The following CACNA2D4 variants were observed in gnomAD, a reference collection of about 807,000 sequenced individuals.
CACNA2D4 encodes the protein voltage-dependent calcium channel subunit alpha-2/delta-4.
CACNA2D4 carries 157 observed loss-of-function variants against 163.8 expected under a neutral mutation model. That is an observed-to-expected ratio of 0.96 (90% CI 0.84 to 1.09). The LOEUF is 1.09. Among genes scored for constraint, CACNA2D4 ranks in the 50% least tolerant of loss-of-function variants. The pLI is 0.00. For synonymous variants in CACNA2D4, 598 were observed against 586.9 expected, an observed-to-expected ratio of 1.02 and a Z score of -0.27; for missense variants, 1,410 against 1,479.9, an observed-to-expected ratio of 0.95 and a Z score of 0.78.
In CACNA2D4 at chr12:1,795,285, G is replaced by T. The variant is rs1267899718; in HGVS notation, c.3309+14C>A. ...TGAAAATCCAGCCCACCCTCGATCC[G>T]CCTCAACCCGCACCTCTGGATGGAA... On this transcript the variant is annotated intron_variant, in intron 37 of 37. Coordinates refer to ENST00000382722, the MANE Select transcript of CACNA2D4 (RefSeq NM_172364.5). The T allele has an allele frequency of 1.2e-6, 2 of 1,611,948 alleles. No individual in the cohort carries two copies.
At chr12:1,884,080 T>G (rs1040829393) in intron 12 of CACNA2D4, 163 bp downstream of exon 12, 2 of 584,250 alleles carry the variant, frequency 3.4e-6, no homozygotes, top group Non-Finnish European at 6.1e-6. Context: ...CTCACCTTGC[T>G]TTTTCCAAAT....
chr12:1,839,590 C>G (rs1326595442), intron 26 of CACNA2D4, among the ~76,000 whole-genome samples: 2 of 152,346 alleles, frequency 1.3e-5, no homozygotes, highest in African/African-American at 2.4e-5. Flanking sequence ...TTTTCTGTGT[C>G]TCAGTCCCCT....
At chr12:1,861,447 T>C (rs1865523151) in intron 18 of CACNA2D4, among the ~76,000 whole-genome samples, 1 of 113,610 alleles carries the variant, frequency 8.8e-6, no homozygotes, top group Admixed American at 8.2e-5. Context: ...ATTTTTACTC[T>C]TTTTTTTTTT....
rs1261792434 is a variant in CACNA2D4, at chr12:1,878,103, T to TC, written c.1719+211dup. ...CGTTACGTGCTCTCTGGCCCACTCA[T>TC]CAGTCATTTCACATGTTTTTGCCTT... On this transcript the variant is annotated intron_variant, in intron 16 of 37. Coordinates refer to ENST00000382722, the MANE Select transcript of CACNA2D4 (RefSeq NM_172364.5). This position sits in a 1 kb window ranked among gnomAD's most constrained non-coding sequence, Gnocchi z 4.6. Among the ~76,000 whole-genome samples, 1 of 152,248 alleles carries TC rather than the reference T, an allele frequency of 6.6e-6. No homozygotes were observed. The highest frequency in any genetic ancestry group is 1.5e-5 in the Non-Finnish European group (1 of 68,044).
At chr12:1,877,263 A>G (rs759509536) in intron 16 of CACNA2D4, among the ~76,000 whole-genome samples, 2 of 152,228 alleles carry the variant, frequency 1.3e-5, no homozygotes, top group Non-Finnish European at 2.9e-5. Flanking sequence ...CAGGCAGTTT[A>G]TGATCAGTAC....
At chr12:1,861,469 T>G in intron 18 of CACNA2D4, among the ~76,000 whole-genome samples, 2 of 148,608 alleles carry the variant, frequency 1.3e-5, no homozygotes, top group African/African-American at 5.0e-5. Flanking sequence ...TGAGATGGAG[T>G]CTCCCTCTTG....
At chr12:1,811,636 C>T in intron 27 of CACNA2D4, 26 bp downstream of exon 27, 1 of 1,555,316 alleles carries the variant, frequency 6.4e-7, no homozygotes, top group Non-Finnish European at 8.7e-7. Context: ...GTCCCCAGCC[C>T]CGACCTGGCC....
chr12:1,918,327 C>A lies in CACNA2D4; in HGVS notation c.147G>T (p.Lys49Asn), dbSNP rs754183982. 5 of 1,609,778 alleles carry A rather than the reference C, an allele frequency of 3.1e-6. No homozygotes were observed. The highest frequency in any genetic ancestry group is 4.2e-6 in the Non-Finnish European group (5 of 1,178,142). The change falls in exon 1 of 38, where the codon AAG becomes AAT. Residue 49 changes from lysine to asparagine, a missense_variant. Physicochemically the swap from Lys to Asn is moderately conservative, Grantham distance 94. Transcript: ENST00000382722. ...PMPVAWAFVQ[K>N]TSALLWLLLL... ...GCAGCAGCCACAGGAGGGCCGAGGT[C>A]TTCTGCACAAAGGCCCAGGCCACGG...
At chr12:1,809,786 G>A (rs901225908) in intron 29 of CACNA2D4, among the ~76,000 whole-genome samples, 2 of 152,214 alleles carry the variant, frequency 1.3e-5, no homozygotes, top group African/African-American at 2.4e-5. Context: ...AAGGCCGGGC[G>A]TGGTGGGTGA....
At chr12:1,837,070 G>A (rs1030018481) in intron 26 of CACNA2D4, among the ~76,000 whole-genome samples, 6 of 152,238 alleles carry the variant, frequency 3.9e-5, no homozygotes, top group African/African-American at 9.6e-5. Flanking sequence ...GGGCGACACC[G>A]AGGTTGTGGT....
chr12:1,832,064 A>G (rs1864659945), intron 26 of CACNA2D4, among the ~76,000 whole-genome samples: 2 of 152,280 alleles, frequency 1.3e-5, no homozygotes, highest in Middle Eastern at 3.4e-3. Context: ...TTATTATCCA[A>G]ACTTTAAGAA....
Position 1,856,371 on chromosome 12 carries a change from G to A in CACNA2D4, c.2009-142C>T, listed in dbSNP as rs117303011. Reference sequence around the variant, plus strand: ...TTCTTGCTCTTAGCTCACAGTAGGAGAACATGGCTAAGTCTGCACAGGTCC... The same window carrying A: ...TTCTTGCTCTTAGCTCACAGTAGGAAAACATGGCTAAGTCTGCACAGGTCC... On this transcript the variant is annotated intron_variant, in intron 20 of 37. Transcript: ENST00000382722. The A allele has an allele frequency of 4.6e-3, 3,957 of 851,330 alleles. 21 individuals are homozygous for A. Among genetic ancestry groups the A allele is most frequent in the Middle Eastern group, 0.014 (43 of 3,068 alleles). 52.7% of individuals were successfully genotyped at this position (851,330 alleles called of 1,614,324 possible). A position where few individuals can be genotyped will look rare whatever the true frequency, so the allele number is the denominator to read the frequency against.
chr12:1,844,496 C>T lies in CACNA2D4; in HGVS notation c.2376G>A (p.Val792=), dbSNP rs750982250. 1.9e-6 allele frequency: 3 copies of T among 1,613,436 alleles called. No individual in the cohort carries two copies. Among genetic ancestry groups the T allele is most frequent in the Non-Finnish European group, 2.5e-6 (3 of 1,179,746 alleles). The change falls in exon 25 of 38, where the codon GTG becomes GTA. Residue 792 remains valine (V), a synonymous_variant. Transcript: ENST00000382722. The surrounding 1 kb of genome is among the most constrained non-coding windows in gnomAD (Gnocchi z 4.2). ...ACAGCGGGAAGCGGTCCAGGGTGAA[C>T]ACGCTGGCCTCGTCCTCAGGTGTCA... ...KFLTPEDEAS[V]FTLDRFPLWY...
chr12:1,841,965 T>G (rs900278260), intron 25 of CACNA2D4, among the ~76,000 whole-genome samples: 2 of 152,222 alleles, frequency 1.3e-5, no homozygotes, highest in African/African-American at 4.8e-5. Context: ...CCACCTTGTG[T>G]CTACAGACAT....
chr12:1,917,864 C>CTGCGA lies in CACNA2D4; in HGVS notation c.227+378_227+382dup. The CTGCGA allele has an allele frequency of 9.5e-6, 2 of 209,512 alleles. No individual in the cohort carries two copies. Among genetic ancestry groups the CTGCGA allele is most frequent in the South Asian group, 7.8e-5 (1 of 12,882 alleles). The allele number at this position is 209,512 out of a possible 1,614,324, so 13.0% of individuals were successfully genotyped here. ...ATTTCCTGCCAAATGCTTCGGGGAG[C>CTGCGA]TGCGATGCTGAGATAACCCGGCTCC... On this transcript the variant is annotated intron_variant, in intron 1 of 37. Transcript: ENST00000382722. This position sits in a 1 kb window ranked among gnomAD's most constrained non-coding sequence, Gnocchi z 4.3.
At position 1,840,784 on chromosome 12, in the gene CACNA2D4, T is replaced by C; in HGVS notation, c.2506A>G (p.Thr836Ala). 1 of 1,613,950 alleles carries C rather than the reference T, an allele frequency of 6.2e-7. No individual in the cohort carries two copies. Among genetic ancestry groups the C allele is most frequent in the Non-Finnish European group, 8.5e-7 (1 of 1,179,896 alleles). ...TTGTCCACGGTCACCGCCACAGCTG[T>C]GCTTGCCGTCACCACCATGGGTTCA... ...AGEPMVVTASTAVAVTVDKRT... is the reference protein window; with the variant it reads ...AGEPMVVTASAAVAVTVDKRT... Residue 836 changes from threonine (T) to alanine (A), a missense_variant, in exon 26 of 38, where the codon ACA becomes GCA. Physicochemically the swap from Thr to Ala is moderately conservative, Grantham distance 58. Transcript: ENST00000382722.
chr12:1,865,090 G>A (rs376934587), intron 18 of CACNA2D4, among the ~76,000 whole-genome samples: 2 of 152,198 alleles, frequency 1.3e-5, no homozygotes, highest in African/African-American at 4.8e-5. Context: ...GCGCTGGCCG[G>A]CAGGCAGGCC....
At chr12:1,845,528 G>A (rs1455878387) in intron 24 of CACNA2D4, among the ~76,000 whole-genome samples, 1 of 152,194 alleles carries the variant, frequency 6.6e-6, no homozygotes, top group Non-Finnish European at 1.5e-5. Context: ...CCGTGGCTGG[G>A]CGTGCTTAGC....
At chr12:1,797,563 A>T in intron 34 of CACNA2D4, 28 bp from the exon 35 acceptor site, 1 of 1,517,110 alleles carries the variant, frequency 6.6e-7, no homozygotes, top group Non-Finnish European at 8.9e-7. Flanking sequence ...ACATCACGCC[A>T]CCGAAGGGGC....
Sources: gnomAD v4.1 joint callset for allele counts (sites outside exome capture counted in the v4.1 genomes callset) on GRCh38, gnomAD v4.1.1 for gene constraint, Gnocchi (gnomAD v3.1) non-coding constraint, MANE v1.5 for transcripts, NCBI Gene and HGNC (gene_info 2026-07-23, HGNC 2026-07-21) for gene names.